SNTG1: variants seen among roughly 807,000 people sequenced by gnomAD.
SNTG1 encodes the protein gamma-1-syntrophin.
SNTG1 carries 39 observed loss-of-function variants against 74.7 expected under a neutral mutation model. The ratio of observed to expected loss-of-function variants is 0.52; its 90% CI spans 0.40 to 0.68. The LOEUF (loss-of-function observed/expected upper bound fraction) is 0.68, where lower values mean the gene tolerates loss of function less well. Among genes scored for constraint, SNTG1 ranks in the 30% least tolerant of loss-of-function variants. The probability of loss-of-function intolerance (pLI) is 0.00; values close to 1 mark genes in which losing one functional copy is unlikely to be tolerated. For synonymous variants in SNTG1, 254 were observed against 217.1 expected, an observed-to-expected ratio of 1.17 and a Z score of -1.49; for missense variants, 685 against 609.5, an observed-to-expected ratio of 1.12 and a Z score of -1.30.
At chr8:50,517,633 A>G (rs1271964517) in intron 9 of SNTG1, among the ~76,000 whole-genome samples, 1 of 150,966 alleles carries the variant, frequency 6.6e-6, no homozygotes, top group African/African-American at 2.4e-5. Context: ...AAAAAAAAAA[A>G]AAAAATAGCA....
intron 5 of SNTG1, among the ~76,000 whole-genome samples, chr8:50,443,496 C>T (rs2093377156): frequency 6.6e-6 from 1 of 152,102 alleles, no homozygotes; most frequent in Non-Finnish European, 1.5e-5. Context: ...ATCATCTTCT[C>T]ATTTCTAAAT....
chr8:50,008,444 A>G lies in SNTG1; in HGVS notation c.-103+96213A>G, dbSNP rs146009214. The stretch of plus-strand genomic sequence containing the variant: ...TCCTGTGGAAATTATTGCTCTTCTT[A>G]GAAATTGGGTCTAGTCTTCCTTATT... On this transcript the variant is annotated intron_variant, in intron 1 of 18. Coordinates refer to ENST00000642720, the MANE Select transcript of SNTG1 (RefSeq NM_018967.5). Among the ~76,000 whole-genome samples the G allele has an allele frequency of 3.6e-3, 553 of 152,306 alleles. 4 individuals are homozygous for G. Among genetic ancestry groups the G allele is most frequent in the African/African-American group, 0.013 (524 of 41,572 alleles).
At chr8:50,368,030 C>T (rs2092164615) in intron 2 of SNTG1, among the ~76,000 whole-genome samples, 1 of 152,040 alleles carries the variant, frequency 6.6e-6, no homozygotes, top group Admixed American at 6.6e-5. Context: ...ACATTAAAGG[C>T]AATTCTGGTA....
intron 8 of SNTG1, among the ~76,000 whole-genome samples, chr8:50,478,037 T>C (rs1440240971): frequency 6.6e-6 from 1 of 152,148 alleles, no homozygotes; most frequent in Non-Finnish European, 1.5e-5. Context: ...AGATGACCCA[T>C]TACTTTCAGA....
intron 9 of SNTG1, among the ~76,000 whole-genome samples, chr8:50,512,859 G>A (rs1359525660): frequency 4.6e-5 from 7 of 152,072 alleles, no homozygotes; most frequent in South Asian, 2.1e-4. Context: ...CCATGGGTTC[G>A]AACTTCCTCC....
intron 15 of SNTG1, 125 bp downstream of exon 15, chr8:50,658,788 T>A: frequency 3.2e-6 from 2 of 630,916 alleles, no homozygotes; most frequent in Non-Finnish European, 5.4e-6. Context: ...TAAAGACAAA[T>A]GAAAGAGAAA....
chr8:49,915,986 A>C (rs987044367), intron 1 of SNTG1, among the ~76,000 whole-genome samples: 1 of 152,156 alleles, frequency 6.6e-6, no homozygotes. Flanking sequence ...TGATTTTTTC[A>C]ATGTAATTTA....
chr8:50,751,477 G>A (rs1435137824), intron 17 of SNTG1, among the ~76,000 whole-genome samples: 2 of 151,990 alleles, frequency 1.3e-5, no homozygotes, highest in Admixed American at 6.6e-5. Context: ...TGTAGAATAT[G>A]TTTCTGAAAG....
intron 12 of SNTG1, among the ~76,000 whole-genome samples, chr8:50,574,072 C>A (rs190211456): frequency 6.6e-6 from 1 of 151,922 alleles, no homozygotes; most frequent in Non-Finnish European, 1.5e-5. Context: ...CATCTCAACC[C>A]ATTTATGCCT....
At chr8:50,500,189 G>T (rs2093939101) in intron 8 of SNTG1, among the ~76,000 whole-genome samples, 1 of 149,416 alleles carries the variant, frequency 6.7e-6, no homozygotes. Context: ...CATATGATAT[G>T]CATTTTATAC....
At chr8:50,293,534 C>A (rs569828368) in intron 2 of SNTG1, among the ~76,000 whole-genome samples, 4 of 151,840 alleles carry the variant, frequency 2.6e-5, no homozygotes, top group African/African-American at 9.7e-5. Flanking sequence ...CTCAGCCTCC[C>A]GAGTGGCTGG....
chr8:50,024,882 G>A (rs1426797411), intron 1 of SNTG1, among the ~76,000 whole-genome samples: 1 of 152,034 alleles, frequency 6.6e-6, no homozygotes, highest in Non-Finnish European at 1.5e-5. Flanking sequence ...AATGATTCAT[G>A]TCCCGTGGCA....
chr8:50,585,087 A>G (rs2094639090), intron 12 of SNTG1, among the ~76,000 whole-genome samples: 1 of 152,324 alleles, frequency 6.6e-6, no homozygotes, highest in African/African-American at 2.4e-5. Flanking sequence ...CAAGAACACA[A>G]GAAAACAAGA....
In SNTG1 at chr8:50,597,396, T is replaced by TATAC. The variant is rs746556009; in HGVS notation, c.849+6480_849+6481insTACA. ...GTATATATACACATATATACATATA[T>TATAC]ACATATATACATATATACATATATA... On this transcript the variant is annotated intron_variant, in intron 13 of 18. Coordinates refer to ENST00000642720, the MANE Select transcript of SNTG1 (RefSeq NM_018967.5). Among the ~76,000 whole-genome samples the TATAC allele has an allele frequency of 1.4e-3, 194 of 134,588 alleles. 2 individuals carry two copies. Among genetic ancestry groups the TATAC allele is most frequent in the Admixed American group, 4.7e-3 (66 of 13,928 alleles). 88.3% of individuals were successfully genotyped at this position (134,588 alleles called of 152,430 possible).
At chr8:50,254,494 A>G (rs1361066666) in intron 2 of SNTG1, among the ~76,000 whole-genome samples, 1 of 152,066 alleles carries the variant, frequency 6.6e-6, no homozygotes, top group Non-Finnish European at 1.5e-5. Context: ...CTTCTACTTG[A>G]GTCTCAAATT....
At chr8:50,088,827 T>G (rs985782663) in intron 1 of SNTG1, among the ~76,000 whole-genome samples, 9 of 148,474 alleles carry the variant, frequency 6.1e-5, no homozygotes, top group South Asian at 2.2e-4. Context: ...ATGGCCATAC[T>G]GCCCAAGGTA....
intron 2 of SNTG1, among the ~76,000 whole-genome samples, chr8:50,288,502 G>A (rs2088909096): frequency 6.6e-6 from 1 of 152,134 alleles, no homozygotes; most frequent in Non-Finnish European, 1.5e-5. Context: ...AGCAGAAATA[G>A]CCTTTGCTTG....
intron 8 of SNTG1, among the ~76,000 whole-genome samples, chr8:50,456,656 T>C (rs2093508914): frequency 6.6e-6 from 1 of 152,128 alleles, no homozygotes; most frequent in East Asian, 1.9e-4. Context: ...ACACCACCAC[T>C]TGCTACCACC....
At chr8:50,279,239 C>A (rs1361944350) in intron 2 of SNTG1, among the ~76,000 whole-genome samples, 3 of 151,794 alleles carry the variant, frequency 2.0e-5, no homozygotes, top group South Asian at 2.1e-4. Flanking sequence ...TTGGTAAATC[C>A]AAAAAAATGC....
Sources: gnomAD v4.1 joint callset for allele counts (sites outside exome capture counted in the v4.1 genomes callset) on GRCh38, gnomAD v4.1.1 for gene constraint, MANE v1.5 for transcripts, NCBI Gene and HGNC (gene_info 2026-07-23, HGNC 2026-07-21) for gene names.